SMAD7: variants seen among roughly 807,000 people sequenced by gnomAD.
SMAD7 encodes SMAD family member 7.
In SMAD7, 8 loss-of-function variants were observed where a neutral mutation model predicts 38.7. The ratio of observed to expected loss-of-function variants is 0.21; its 90% CI spans 0.12 to 0.37. The LOEUF (loss-of-function observed/expected upper bound fraction) is 0.37. SMAD7 is among the 10% of genes least tolerant of loss of function. SMAD7 has a pLI of 1.00. For missense variants in SMAD7, 477 were observed against 577.9 expected (o/e 0.83, Z 1.79); for synonymous variants, 327 against 265.1 (o/e 1.23, Z -2.27).
At chr18:48,936,491 C>G (rs150976912) in intron 3 of SMAD7, among the ~76,000 whole-genome samples, 50 of 152,322 alleles carry the variant, frequency 3.3e-4, no homozygotes, top group Middle Eastern at 3.4e-3. Context: ...GTCCCTTTTA[C>G]AATCCCATTC....
chr18:48,936,098 ACACACACACACACACACAC>A (rs1279644045), intron 3 of SMAD7, among the ~76,000 whole-genome samples: 1,488 of 32,734 alleles, frequency 0.045, 19 homozygotes, highest in East Asian at 0.42. Context: ...ACACACACAC[ACACACACACACACACACAC>A]CACACACACA....
chr18:48,949,720 G>A, intron 1 of SMAD7, 92 bp downstream of exon 1: 3 of 1,390,382 alleles, frequency 2.2e-6, no homozygotes, highest in Non-Finnish European at 2.9e-6. Context: ...ACTCCCCCTG[G>A]AGGGATGGCT....
At chr18:48,923,361 C>T (rs941649500) in intron 3 of SMAD7, among the ~76,000 whole-genome samples, 2 of 152,104 alleles carry the variant, frequency 1.3e-5, no homozygotes, top group African/African-American at 2.4e-5. Flanking sequence ...AAGATGGGGC[C>T]GCATCCTGCT....
Position 48,921,117 on chromosome 18 carries a change from A to G in SMAD7, c.*255T>C. The G allele has an allele frequency of 2.0e-6, 1 of 493,692 alleles. No individual in the cohort carries two copies. Among genetic ancestry groups the G allele is most frequent in the Non-Finnish European group, 3.6e-6 (1 of 275,736 alleles). 30.6% of individuals were successfully genotyped at this position (493,692 alleles called of 1,614,324 possible). A position where few individuals can be genotyped will look rare whatever the true frequency, so the allele number is the denominator to read the frequency against. On this transcript the variant is annotated 3_prime_UTR_variant, in exon 4 of 4. Transcript: ENST00000262158. The surrounding 1 kb of genome is among the most constrained non-coding windows in gnomAD (Gnocchi z 6.4). ...TTGGATTTCTGCTTCCCCTCTTCCTATCAGGGTGTCCTGCCGATCATACCT... is the reference window on the plus strand; with the variant it reads ...TTGGATTTCTGCTTCCCCTCTTCCTGTCAGGGTGTCCTGCCGATCATACCT...
intron 1 of SMAD7, among the ~76,000 whole-genome samples, chr18:48,948,758 GT>G (rs1469208977): frequency 6.6e-6 from 1 of 152,188 alleles, no homozygotes; most frequent in African/African-American, 2.4e-5. Flanking sequence ...CCCCCTCCCC[GT>G]CCTCGGACTC....
intron 3 of SMAD7, 70 bp downstream of exon 3, chr18:48,942,411 C>G: frequency 9.2e-7 from 1 of 1,082,610 alleles, no homozygotes; most frequent in African/African-American, 1.6e-5. Context: ...AAGGCCACCC[C>G]CATTCCTCCA....
chr18:48,923,764 T>C (rs1212415736), intron 3 of SMAD7, among the ~76,000 whole-genome samples: 1 of 152,072 alleles, frequency 6.6e-6, no homozygotes, highest in African/African-American at 2.4e-5. Context: ...GGAAGTCCAG[T>C]GCTTGTGCAT....
intron 3 of SMAD7, among the ~76,000 whole-genome samples, chr18:48,940,607 C>T (rs1373981651): frequency 6.6e-6 from 1 of 152,168 alleles, no homozygotes; most frequent in Non-Finnish European, 1.5e-5. Flanking sequence ...AAAAAATTAG[C>T]TGGGCACAGT....
At chr18:48,934,860 A>G (rs1375844699) in intron 3 of SMAD7, among the ~76,000 whole-genome samples, 1 of 150,834 alleles carries the variant, frequency 6.6e-6, no homozygotes, top group Non-Finnish European at 1.5e-5. Flanking sequence ...AGTTATTCTC[A>G]AAAAAAAAGA....
intron 3 of SMAD7, among the ~76,000 whole-genome samples, chr18:48,926,729 C>T (rs1389961257): frequency 6.6e-6 from 1 of 152,198 alleles, no homozygotes; most frequent in Admixed American, 6.5e-5. Context: ...CCAGGGTCCT[C>T]CCTCCTCAGG....
intron 3 of SMAD7, among the ~76,000 whole-genome samples, chr18:48,941,701 T>G (rs186773628): frequency 5.3e-5 from 8 of 152,166 alleles, no homozygotes; most frequent in African/African-American, 1.9e-4. Context: ...CAGGTAGAAA[T>G]AGGATTTCTT....
intron 3 of SMAD7, among the ~76,000 whole-genome samples, chr18:48,939,187 A>G (rs955762270): frequency 2.4e-5 from 3 of 126,358 alleles, no homozygotes; most frequent in African/African-American, 6.0e-5. Context: ...ACACACACGC[A>G]TACACACACA....
chr18:48,934,015 A>G (rs4939829), intron 3 of SMAD7, among the ~76,000 whole-genome samples: 56,744 of 152,064 alleles, frequency 0.37, 11,155 homozygotes, highest in African/African-American at 0.49. Flanking sequence ...CCTTGGCAGC[A>G]CGGGCCGGGG....
At chr18:48,923,043 A>G (rs752064606) in intron 3 of SMAD7, among the ~76,000 whole-genome samples, 5 of 152,230 alleles carry the variant, frequency 3.3e-5, no homozygotes, top group Non-Finnish European at 5.9e-5. Context: ...ACTTGGGACC[A>G]TAAATCTCCC....
chr18:48,948,333 CTCTATT>C (rs781624604), intron 2 of SMAD7, 45 bp downstream of exon 2: 1 of 1,324,856 alleles, frequency 7.5e-7, no homozygotes, highest in South Asian at 1.3e-5. Context: ...GTTCTAGAGG[CTCTATT>C]TCTAACTTAA....
At chr18:48,939,485 T>G (rs1348588678) in intron 3 of SMAD7, among the ~76,000 whole-genome samples, 1 of 151,248 alleles carries the variant, frequency 6.6e-6, no homozygotes, top group African/African-American at 2.4e-5. Context: ...CCGGGCAGTT[T>G]GCAAGGGCGC....
chr18:48,939,417 T>A (rs2070110726), intron 3 of SMAD7, among the ~76,000 whole-genome samples: 1 of 115,006 alleles, frequency 8.7e-6, no homozygotes, highest in Non-Finnish European at 1.7e-5. Context: ...ATGCTGGAAT[T>A]CCAACCTGCA....
At chr18:48,933,074 T>TA (rs2070021488) in intron 3 of SMAD7, among the ~76,000 whole-genome samples, 1 of 152,238 alleles carries the variant, frequency 6.6e-6, no homozygotes, top group African/African-American at 2.4e-5. Context: ...GCTGTCATCT[T>TA]ACAATCAGCA....
chr18:48,938,619 T>C (rs1466770500), intron 3 of SMAD7, among the ~76,000 whole-genome samples: 3 of 152,106 alleles, frequency 2.0e-5, no homozygotes, highest in African/African-American at 7.2e-5. Flanking sequence ...CTGAATAACC[T>C]ACAACTCACA....
Sources: allele counts gnomAD v4.1 joint callset (sites outside exome capture counted in the v4.1 genomes callset), GRCh38; gene constraint gnomAD v4.1.1; non-coding constraint Gnocchi (gnomAD v3.1); transcripts MANE v1.5; gene names NCBI Gene and HGNC (gene_info 2026-07-23, HGNC 2026-07-21).